The following SDK1 variants were observed in gnomAD, a reference collection of about 807,000 sequenced individuals.
The protein encoded by SDK1 is sidekick cell adhesion molecule 1.
SDK1 carries 157 observed loss-of-function variants against 245.5 expected under a neutral mutation model. The ratio of observed to expected loss-of-function variants is 0.64; its 90% confidence interval spans 0.56 to 0.73. The LOEUF is 0.73. SDK1 is among the 30% of genes least tolerant of loss of function. The pLI is 0.00. For missense variants in SDK1, 3,583 were observed against 3,002.3 expected (o/e 1.19, Z -4.52); for synonymous variants, 1,647 against 1,278.5 (o/e 1.29, Z -6.15).
chr7:4,070,749 G>T (rs10252092), intron 20 of SDK1, among the ~76,000 whole-genome samples: 11,589 of 150,392 alleles, frequency 0.077, 1,014 homozygotes, highest in African/African-American at 0.21. Context: ...TCACTCTGCA[G>T]CCCAGGATGG....
At chr7:3,413,716 G>A (rs59839931) in intron 1 of SDK1, among the ~76,000 whole-genome samples, 23,242 of 151,898 alleles carry the variant, frequency 0.15, 1,785 homozygotes, top group South Asian at 0.24. Flanking sequence ...TAACTAGGAG[G>A]CTGTGCATGG....
At chr7:3,735,307 A>T (rs1779288880) in intron 4 of SDK1, among the ~76,000 whole-genome samples, 1 of 152,286 alleles carries the variant, frequency 6.6e-6, no homozygotes, top group South Asian at 2.1e-4. Flanking sequence ...TGTACTTGCT[A>T]AGCAGTGACT....
intron 35 of SDK1, among the ~76,000 whole-genome samples, chr7:4,202,103 C>T (rs1783920333): frequency 6.6e-6 from 1 of 152,170 alleles, no homozygotes. Flanking sequence ...CAGGAAACAT[C>T]CACATCCCTA....
chr7:3,920,827 C>G, intron 5 of SDK1, among the ~76,000 whole-genome samples: 1 of 152,040 alleles, frequency 6.6e-6, no homozygotes, highest in East Asian at 1.9e-4. Context: ...AGTGACTGCT[C>G]GGAGGTTATT....
chr7:3,335,174 A>C (rs903706905), intron 1 of SDK1, among the ~76,000 whole-genome samples: 1 of 152,140 alleles, frequency 6.6e-6, no homozygotes, highest in East Asian at 1.9e-4. Flanking sequence ...GAGTGACATA[A>C]ACCTAAATCA....
At chr7:3,693,322 C>G (rs908465097) in intron 4 of SDK1, among the ~76,000 whole-genome samples, 2 of 152,058 alleles carry the variant, frequency 1.3e-5, no homozygotes, top group African/African-American at 2.4e-5. Context: ...AAATCCCTCT[C>G]GTTATTTGGT....
chr7:3,503,910 G>A (rs1264839918), intron 1 of SDK1, among the ~76,000 whole-genome samples: 1 of 152,044 alleles, frequency 6.6e-6, no homozygotes, highest in East Asian at 1.9e-4. Flanking sequence ...CTAGCACTTT[G>A]GGAGGCCGAG....
At chr7:3,407,199 A>G (rs917756220) in intron 1 of SDK1, among the ~76,000 whole-genome samples, 3 of 152,208 alleles carry the variant, frequency 2.0e-5, no homozygotes, top group East Asian at 1.9e-4. Flanking sequence ...TTCACAACCT[A>G]TTCAGCACTT....
At chr7:3,677,312 G>C (rs1783935580) in intron 4 of SDK1, among the ~76,000 whole-genome samples, 1 of 152,132 alleles carries the variant, frequency 6.6e-6, no homozygotes, top group Non-Finnish European at 1.5e-5. Context: ...TGTTGTATTA[G>C]TCTGTTCTAA....
At chr7:3,903,567 TC>T (rs1224347498) in intron 5 of SDK1, among the ~76,000 whole-genome samples, 1 of 152,196 alleles carries the variant, frequency 6.6e-6, no homozygotes, top group African/African-American at 2.4e-5. Flanking sequence ...GTTTGGCATT[TC>T]CTCAAAAAGT....
chr7:3,575,197 C>T (rs1013916506), intron 1 of SDK1, among the ~76,000 whole-genome samples: 2 of 152,054 alleles, frequency 1.3e-5, no homozygotes, highest in Non-Finnish European at 1.5e-5. Context: ...GGGCTCCCTT[C>T]TTGGCTTTTG....
intron 22 of SDK1, among the ~76,000 whole-genome samples, chr7:4,106,183 G>A (rs1477413301): frequency 6.6e-6 from 1 of 152,216 alleles, no homozygotes; most frequent in Admixed American, 6.5e-5. Context: ...AGGTGAGGGG[G>A]TCATCTCATG....
At chr7:3,343,115 C>G (rs765288172) in intron 1 of SDK1, among the ~76,000 whole-genome samples, 6 of 151,864 alleles carry the variant, frequency 4.0e-5, no homozygotes, top group Non-Finnish European at 7.4e-5. Flanking sequence ...TTGGCGGTTT[C>G]TTATAAAACT....
At chr7:3,609,182 A>G (rs1468262615) in intron 1 of SDK1, among the ~76,000 whole-genome samples, 2 of 152,194 alleles carry the variant, frequency 1.3e-5, no homozygotes, top group African/African-American at 4.8e-5. Flanking sequence ...TTACTCTCTA[A>G]TATGATAAAT....
At chr7:4,260,294 A>T (rs1475408716) in intron 44 of SDK1, among the ~76,000 whole-genome samples, 1 of 125,320 alleles carries the variant, frequency 8.0e-6, no homozygotes, top group African/African-American at 3.2e-5. Flanking sequence ...GTGTGGGAAG[A>T]TGTGTTCATC....
chr7:3,737,649 G>T (rs1380525671), intron 4 of SDK1, among the ~76,000 whole-genome samples: 1 of 152,206 alleles, frequency 6.6e-6, no homozygotes, highest in Non-Finnish European at 1.5e-5. Flanking sequence ...CCACCACTGA[G>T]ATACACGAGC....
intron 1 of SDK1, among the ~76,000 whole-genome samples, chr7:3,496,625 A>C (rs1462570905): frequency 1.3e-5 from 2 of 152,216 alleles, no homozygotes; most frequent in Non-Finnish European, 2.9e-5. Flanking sequence ...CAGGTCAAGT[A>C]TAATATATTG....
intron 4 of SDK1, among the ~76,000 whole-genome samples, chr7:3,675,067 CT>C (rs1233775010): frequency 6.6e-6 from 1 of 152,202 alleles, no homozygotes; most frequent in Admixed American, 6.5e-5. Flanking sequence ...TGTAAACCTT[CT>C]CATGCCCGTG....
rs1262043276 is a variant in SDK1 at position 4,268,976 on chromosome 7, T to C, written c.*3592T>C. 2 of 280,020 alleles carry C rather than the reference T, an allele frequency of 7.1e-6. No individual in the cohort carries two copies. The highest frequency in any genetic ancestry group is 4.4e-5 in the African/African-American group (2 of 45,126). The allele number at this position is 280,020 out of a possible 1,614,324, so 17.3% of individuals were successfully genotyped here. A position where few individuals can be genotyped will look rare whatever the true frequency, so the allele number is the denominator to read the frequency against. ...GAGGTGCTATGGGTACAATTTTTAA[T>C]AAAAACATTATTTTGTTCCTTAAAC... On this transcript the variant is annotated 3_prime_UTR_variant, in exon 45 of 45. Coordinates refer to ENST00000404826, the MANE Select transcript of SDK1 (RefSeq NM_152744.4).
Sources: allele counts gnomAD v4.1 joint callset (sites outside exome capture counted in the v4.1 genomes callset), GRCh38; gene constraint gnomAD v4.1.1; transcripts MANE v1.5; gene names NCBI Gene and HGNC (gene_info 2026-07-23, HGNC 2026-07-21).